Variants in ZFAT observed in about 807,000 individuals in gnomAD.
The protein encoded by ZFAT is zinc finger and AT-hook domain containing.
ZFAT carries 64 observed loss-of-function variants against 117.7 expected under a neutral mutation model. That is an observed-to-expected ratio of 0.54 (90% CI 0.44 to 0.67). The LOEUF (loss-of-function observed/expected upper bound fraction) is 0.67, where lower values mean the gene tolerates loss of function less well. Among genes scored for constraint, ZFAT ranks in the 30% least tolerant of loss-of-function variants. ZFAT has a pLI of 0.00. For synonymous variants in ZFAT, 679 were observed against 615.0 expected (o/e 1.10, Z -1.54); for missense variants, 1,433 against 1,584.5 (o/e 0.90, Z 1.62).
chr8:134,707,668 C>T (rs1421822463), intron 1 of ZFAT, among the ~76,000 whole-genome samples: 5 of 152,184 alleles, frequency 3.3e-5, no homozygotes, highest in African/African-American at 1.2e-4. Context: ...CCTCTTTTCC[C>T]CCACTGCCCA....
chr8:134,624,753 A>G (rs185172712), intron 3 of ZFAT, among the ~76,000 whole-genome samples: 6 of 152,326 alleles, frequency 3.9e-5, no homozygotes, highest in African/African-American at 1.4e-4. Flanking sequence ...CCCACAGAAC[A>G]GAGTATCTCA....
intron 3 of ZFAT, among the ~76,000 whole-genome samples, chr8:134,615,461 T>C (rs1413039426): frequency 1.3e-5 from 2 of 152,118 alleles, no homozygotes; most frequent in East Asian, 3.9e-4. Context: ...AGTGCTAAGA[T>C]TACATGCGTG....
chr8:134,694,245 T>G (rs1327426546), intron 1 of ZFAT, among the ~76,000 whole-genome samples: 1 of 152,224 alleles, frequency 6.6e-6, no homozygotes, highest in Non-Finnish European at 1.5e-5. Flanking sequence ...GGACAATCAG[T>G]GACATCTCAA....
chr8:134,489,549 C>T (rs75919276), intron 15 of ZFAT, among the ~76,000 whole-genome samples: 321 of 152,268 alleles, frequency 2.1e-3, no homozygotes, highest in Non-Finnish European at 2.6e-3. Context: ...CAGCGTCCTC[C>T]GTCCTCTCTG....
chr8:134,738,304 C>T, the ZFAT span, among the ~76,000 whole-genome samples: 20 of 152,238 alleles, frequency 1.3e-4, no homozygotes, highest in South Asian at 1.9e-3. Context: ...TAGAATTCTG[C>T]GGCTGTCCCA....
intron 5 of ZFAT, among the ~76,000 whole-genome samples, chr8:134,606,729 GAA>G (rs75459456): frequency 6.4e-3 from 305 of 47,924 alleles, no homozygotes; most frequent in African/African-American, 0.017. Context: ...CTCTGTCTCA[GAA>G]AAAAAAAAAA....
chr8:134,785,014 A>G, the ZFAT span: 2 of 152,236 alleles, frequency 1.3e-5, no homozygotes, highest in Non-Finnish European at 2.9e-5. Flanking sequence ...ATAAAAAGAC[A>G]GATGTTGAAC....
chr8:134,657,703 G>T lies in ZFAT; in HGVS notation c.54C>A (p.Asn18Lys). The T allele has an allele frequency of 3.7e-6, 6 of 1,613,606 alleles. No homozygotes were observed. Among genetic ancestry groups the T allele is most frequent in the South Asian group, 1.1e-5 (1 of 90,882 alleles). ...NTAIFMCKCC[N>K]LFSPNQSELL... Reference sequence around the variant, plus strand: ...GTTCCGACTGATTTGGTGAGAAGAGGTTACAACATTTACACATAAAGATGG... The same window carrying T: ...GTTCCGACTGATTTGGTGAGAAGAGTTTACAACATTTACACATAAAGATGG... The change falls in exon 2 of 16, where the codon AAC (asparagine) becomes AAA (lysine). Residue 18 changes from asparagine (N) to lysine (K), a missense_variant. Physicochemically the swap from Asn to Lys is moderately conservative, Grantham distance 94 (BLOSUM62 0). Around this residue, in one of 5 missense-constraint regions of ZFAT, gnomAD observed 436 missense variants for 482.0 expected, o/e 0.90. Coordinates refer to ENST00000377838, the MANE Select transcript of ZFAT (RefSeq NM_020863.4).
At chr8:134,606,607 T>A (rs1021307462) in intron 5 of ZFAT, among the ~76,000 whole-genome samples, 10 of 151,808 alleles carry the variant, frequency 6.6e-5, no homozygotes, top group Admixed American at 6.6e-4. Context: ...TCCCAGCTAC[T>A]CAGGAGGCTG....
At chr8:134,746,598 G>A in the ZFAT span, among the ~76,000 whole-genome samples, 1 of 152,014 alleles carries the variant, frequency 6.6e-6, no homozygotes, top group Non-Finnish European at 1.5e-5. Flanking sequence ...TTTTAACCTA[G>A]TTTTCATTTC....
chr8:134,796,269 C>G, the ZFAT span: 1 of 152,220 alleles, frequency 6.6e-6, no homozygotes, highest in Non-Finnish European at 1.5e-5. Context: ...GAATCACAAA[C>G]CGCTAACTGC....
At chr8:134,720,613 G>T in the ZFAT span, among the ~76,000 whole-genome samples, 1 of 152,224 alleles carries the variant, frequency 6.6e-6, no homozygotes, top group Non-Finnish European at 1.5e-5. Context: ...AGAAGCAAAC[G>T]GTGCCAAGGA....
At chr8:134,601,373 TAGA>T in intron 6 of ZFAT, 101 bp downstream of exon 6, 1 of 1,477,574 alleles carries the variant, frequency 6.8e-7, no homozygotes, top group Non-Finnish European at 9.0e-7. Flanking sequence ...ATGGCTCACT[TAGA>T]AGGTATTCTT....
At chr8:134,732,533 G>A in the ZFAT span, among the ~76,000 whole-genome samples, 1 of 152,160 alleles carries the variant, frequency 6.6e-6, no homozygotes, top group East Asian at 1.9e-4. Context: ...AACAACCCCT[G>A]CTCCCAGTAC....
At chr8:134,800,704 C>A in the ZFAT span, 1 of 354,916 alleles carries the variant, frequency 2.8e-6, no homozygotes, top group Non-Finnish European at 5.7e-6. Context: ...ATAAATGAGG[C>A]AAGACTCAAT....
intron 7 of ZFAT, among the ~76,000 whole-genome samples, chr8:134,597,330 G>T (rs551879666): frequency 6.6e-6 from 1 of 152,132 alleles, no homozygotes; most frequent in Non-Finnish European, 1.5e-5. Context: ...TACTATGTTG[G>T]CAATATGGTC....
rs915080825 is a variant in ZFAT at position 134,478,655 on chromosome 8, C to G, written c.3559G>C (p.Val1187Leu). ...AGGTGGTGCTGCTCGGCAAGCTCCA[C>G]GGACGCTTGCTGGACCGTCTCCTGG... Reference protein sequence around the residue: ...MIQETVQQASVELAEQHHLVV... With the variant: ...MIQETVQQASLELAEQHHLVV... The change falls in exon 16 of 16, where the codon GTG (valine) becomes CTG (leucine). Residue 1187 changes from valine (V) to leucine (L), a missense_variant. Transcript: ENST00000377838. This position sits in a 1 kb window ranked among gnomAD's most constrained non-coding sequence, Gnocchi z 5.2. 4 of 1,582,810 alleles carry G rather than the reference C, an allele frequency of 2.5e-6. No individual in the cohort carries two copies. Among genetic ancestry groups the G allele is most frequent in the African/African-American group, 2.7e-5 (2 of 74,138 alleles).
the ZFAT span, among the ~76,000 whole-genome samples, chr8:134,758,207 T>C: frequency 6.6e-6 from 1 of 152,306 alleles, no homozygotes; most frequent in Non-Finnish European, 1.5e-5. Flanking sequence ...CTTATTAGCC[T>C]GGGGCTAGGA....
intron 10 of ZFAT, among the ~76,000 whole-genome samples, chr8:134,569,905 T>C (rs1297614837): frequency 6.6e-6 from 1 of 152,164 alleles, no homozygotes; most frequent in Admixed American, 6.5e-5. Context: ...TATATCAAAG[T>C]GTAAGTAAGC....
Sources: allele counts gnomAD v4.1 joint callset (sites outside exome capture counted in the v4.1 genomes callset), GRCh38; gene constraint gnomAD v4.1.1; regional missense constraint gnomAD v4.1.1; non-coding constraint Gnocchi (gnomAD v3.1); transcripts MANE v1.5; gene names NCBI Gene and HGNC (gene_info 2026-07-23, HGNC 2026-07-21).